The following NCOR1 variants were observed in gnomAD, a reference collection of about 807,000 sequenced individuals.
NCOR1 encodes protein phosphatase 1, regulatory subunit 109.
In NCOR1, 63 loss-of-function variants were observed where a neutral mutation model predicts 288.1. The observed-to-expected ratio is 0.22, with a 90% CI of 0.18 to 0.27. The LOEUF (loss-of-function observed/expected upper bound fraction) is 0.27. Ranked by LOEUF, NCOR1 falls within the 10% of genes least tolerant of loss-of-function variation. NCOR1 has a pLI of 1.00. For synonymous variants in NCOR1, 1,007 were observed against 1,065.9 expected, an observed-to-expected ratio of 0.94 and a Z score of 1.08; for missense variants, 2,397 against 3,019.2, an observed-to-expected ratio of 0.79 and a Z score of 4.83.
intron 44 of NCOR1, among the ~76,000 whole-genome samples, chr17:16,038,773 G>A (rs1256988390): frequency 6.6e-6 from 1 of 151,632 alleles, no homozygotes; most frequent in Non-Finnish European, 1.5e-5. Flanking sequence ...GTGTGTGTCT[G>A]TGTATGTATG....
Position 16,065,519 on chromosome 17 carries a change from C to T in NCOR1, c.4917G>A (p.Glu1639=), listed in dbSNP as rs768541398. ...PDVARGLSPR[E]QPLGLPYPAT... is the part of the protein sequence containing the mutation. ...CTGGGTATGGGAGACCCAGTGGCTG[C>T]TCTCTTGGGGAGAGTCCTCTGGCCA... The change falls in exon 33 of 46, where the codon GAG becomes GAA. Residue 1639 remains glutamate, a synonymous_variant. Transcript: ENST00000268712. 6.2e-7 allele frequency: 1 copy of T among 1,613,828 alleles called. No individual in the cohort carries two copies. The highest frequency in any genetic ancestry group is 1.1e-5 in the South Asian group (1 of 91,082).
chr17:16,042,820 G>C (rs944790872), intron 42 of NCOR1, among the ~76,000 whole-genome samples: 3 of 152,192 alleles, frequency 2.0e-5, no homozygotes, highest in Non-Finnish European at 2.9e-5. Flanking sequence ...TATTTAAGGA[G>C]CCAGTAAGTT....
intron 19 of NCOR1, among the ~76,000 whole-genome samples, chr17:16,105,336 G>A (rs982420123): frequency 5.3e-5 from 8 of 152,080 alleles, no homozygotes; most frequent in African/African-American, 1.9e-4. Flanking sequence ...AAAATCGCTT[G>A]AGCCTGGGAG....
intron 26 of NCOR1, 86 bp downstream of exon 26, chr17:16,079,878 A>G (rs1374157458): frequency 2.6e-6 from 3 of 1,146,026 alleles, no homozygotes; most frequent in Non-Finnish European, 3.9e-6. Flanking sequence ...AATGAACTTA[A>G]GCCACAAAAT....
In NCOR1 at chr17:16,142,360, T is replaced by G. The variant is rs571730754; in HGVS notation, c.1173+1246A>C. Among the ~76,000 whole-genome samples, 5 of 152,230 alleles carry G rather than the reference T, an allele frequency of 3.3e-5. No homozygotes were observed. The East Asian group carries it at 9.7e-4, about 29-fold the overall frequency. On this transcript the variant is annotated intron_variant, in intron 11 of 45. Transcript: ENST00000268712. ...ATTTATTTTGAAGTATACAGCATGG[T>G]AAAAAATATCTTTGATCATTACTTA...
intron 37 of NCOR1, 45 bp downstream of exon 37, chr17:16,061,356 C>A (rs2060529703): frequency 6.3e-7 from 1 of 1,580,716 alleles, no homozygotes; most frequent in Non-Finnish European, 8.6e-7. Flanking sequence ...TAAAGTAATT[C>A]TTTACTCAGA....
At chr17:16,065,057 T>C (rs768744100) in intron 33 of NCOR1, 38 bp from the exon 34 acceptor site, 4 of 1,595,322 alleles carry the variant, frequency 2.5e-6, no homozygotes, top group Non-Finnish European at 3.4e-6. Flanking sequence ...TAAGTGTTAT[T>C]CTAAAGGTAC....
intron 1 of NCOR1, 140 bp downstream of exon 1, chr17:16,215,222 G>A (rs1030724146): frequency 3.4e-5 from 13 of 377,468 alleles, no homozygotes; most frequent in Non-Finnish European, 6.1e-5. Flanking sequence ...GGCCAGGACG[G>A]GTCCCGACCT....
At chr17:16,087,690 A>G (rs1183414617) in intron 22 of NCOR1, among the ~76,000 whole-genome samples, 1 of 152,244 alleles carries the variant, frequency 6.6e-6, no homozygotes, top group Non-Finnish European at 1.5e-5. Context: ...GGAGGTTATT[A>G]GCTTTGCGAG....
intron 3 of NCOR1, among the ~76,000 whole-genome samples, chr17:16,176,756 T>G (rs913677060): frequency 3.3e-5 from 5 of 152,084 alleles, no homozygotes; most frequent in African/African-American, 9.7e-5. Context: ...GTAGCCTGAC[T>G]CTTCCACCTT....
At chr17:16,121,373 C>A (rs902968694) in intron 15 of NCOR1, 104 bp from the exon 16 acceptor site, 4 of 925,096 alleles carry the variant, frequency 4.3e-6, no homozygotes, top group Non-Finnish European at 6.0e-6. Context: ...AATAAAACTA[C>A]CTAATCTCTC....
chr17:16,080,380 A>G, intron 25 of NCOR1, 28 bp downstream of exon 25: 1 of 1,558,338 alleles, frequency 6.4e-7, no homozygotes, highest in African/African-American at 1.4e-5. Flanking sequence ...ACAAAAGTTT[A>G]ACATTTCTGC....
intron 42 of NCOR1, among the ~76,000 whole-genome samples, chr17:16,041,814 G>C (rs2057734652): frequency 6.6e-6 from 1 of 152,016 alleles, no homozygotes; most frequent in Admixed American, 6.6e-5. Flanking sequence ...TTGGCTCACT[G>C]CAAGCTCTGC....
intron 5 of NCOR1, among the ~76,000 whole-genome samples, chr17:16,162,364 TAGAA>T (rs1303828484): frequency 1.3e-5 from 2 of 151,848 alleles, no homozygotes; most frequent in Non-Finnish European, 2.9e-5. Flanking sequence ...AAGAAACTGT[TAGAA>T]AGGTTTTCTA....
chr17:16,187,541 A>G (rs1446284167), intron 2 of NCOR1, among the ~76,000 whole-genome samples: 2 of 49,206 alleles, frequency 4.1e-5, no homozygotes, highest in African/African-American at 9.1e-5. Flanking sequence ...TACTAAGTTT[A>G]AAAAAAAAAA....
intron 5 of NCOR1, among the ~76,000 whole-genome samples, chr17:16,159,900 G>A (rs952809037): frequency 6.0e-5 from 9 of 150,360 alleles, no homozygotes; most frequent in Non-Finnish European, 1.0e-4. Context: ...GTGCAATGGC[G>A]CTCACTGCAA....
At chr17:16,148,663 C>CA (rs397857284) in intron 9 of NCOR1, among the ~76,000 whole-genome samples, 36,271 of 48,340 alleles carry the variant, frequency 0.75, 16,480 homozygotes, top group Non-Finnish European at 0.83. Context: ...ATGTTCTTGG[C>CA]AAAAAAAAAA....
intron 1 of NCOR1, among the ~76,000 whole-genome samples, chr17:16,212,055 A>C (rs2092179565): frequency 6.6e-6 from 1 of 152,128 alleles, no homozygotes; most frequent in South Asian, 2.1e-4. Flanking sequence ...AGGCGGGTAG[A>C]TCATGAGGTC....
At chr17:16,053,840 A>G (rs2059593137) in intron 40 of NCOR1, among the ~76,000 whole-genome samples, 1 of 152,126 alleles carries the variant, frequency 6.6e-6, no homozygotes, top group Non-Finnish European at 1.5e-5. Context: ...TGGTACAAAG[A>G]TAAGACACAC....
Sources: gnomAD v4.1 joint callset for allele counts (sites outside exome capture counted in the v4.1 genomes callset) on GRCh38, gnomAD v4.1.1 for gene constraint, MANE v1.5 for transcripts, NCBI Gene and HGNC (gene_info 2026-07-23, HGNC 2026-07-21) for gene names.